The following ERBB4 variants were observed in gnomAD, a reference collection of about 807,000 sequenced individuals.
The protein encoded by ERBB4 is erb-b2 receptor tyrosine kinase 4.
Under a neutral mutation model 158.0 loss-of-function variants are expected in ERBB4, and 42 were observed. The observed-to-expected ratio is 0.27, with a 90% CI of 0.21 to 0.34. ERBB4 has a LOEUF of 0.34. Among genes scored for constraint, ERBB4 ranks in the 10% least tolerant of loss-of-function variants. The pLI, the probability that ERBB4 is intolerant of heterozygous loss-of-function variation, is 1.00. For synonymous variants in ERBB4, 583 were observed against 558.7 expected (o/e 1.04, Z -0.61); for missense variants, 1,333 against 1,624.1 (o/e 0.82, Z 3.08).
At chr2:211,917,065 C>T (rs888090735) in intron 3 of ERBB4, among the ~76,000 whole-genome samples, 5 of 152,044 alleles carry the variant, frequency 3.3e-5, no homozygotes, top group East Asian at 1.9e-4. Flanking sequence ...AAGGTGGCCA[C>T]GGCTGATGTG....
At chr2:212,489,151 A>G (rs1413992148) in intron 1 of ERBB4, among the ~76,000 whole-genome samples, 2 of 151,876 alleles carry the variant, frequency 1.3e-5, no homozygotes, top group African/African-American at 4.8e-5. Flanking sequence ...ATAAAATAAG[A>G]CAGAATTGGC....
chr2:212,122,744 T>C (rs779025447), intron 2 of ERBB4, among the ~76,000 whole-genome samples: 1 of 152,010 alleles, frequency 6.6e-6, no homozygotes, highest in South Asian at 2.1e-4. Context: ...TATCATTCCA[T>C]GCTGTTACCT....
intron 3 of ERBB4, among the ~76,000 whole-genome samples, chr2:211,928,195 C>A (rs1053397697): frequency 6.6e-6 from 1 of 152,014 alleles, no homozygotes; most frequent in Non-Finnish European, 1.5e-5. Context: ...GAGACCTTTG[C>A]GTGAGTGAAC....
At chr2:211,962,904 G>A (rs896121469) in intron 2 of ERBB4, among the ~76,000 whole-genome samples, 1 of 151,948 alleles carries the variant, frequency 6.6e-6, no homozygotes, top group East Asian at 1.9e-4. Context: ...ATGAACTTTC[G>A]GTTATCTGAT....
At chr2:211,537,690 A>G (rs2066693190) in intron 20 of ERBB4, among the ~76,000 whole-genome samples, 1 of 151,968 alleles carries the variant, frequency 6.6e-6, no homozygotes. Context: ...GTCCAACTCA[A>G]CATTAAAAAT....
chr2:212,205,965 AAC>A (rs907864910), intron 1 of ERBB4, among the ~76,000 whole-genome samples: 5 of 152,224 alleles, frequency 3.3e-5, no homozygotes, highest in African/African-American at 1.2e-4. Context: ...CAAGTATCCT[AAC>A]ACAGGGGAGA....
At chr2:212,272,479 G>T (rs1347054686) in intron 1 of ERBB4, among the ~76,000 whole-genome samples, 2 of 151,768 alleles carry the variant, frequency 1.3e-5, no homozygotes, top group Admixed American at 1.3e-4. Flanking sequence ...CCAGAGAAGG[G>T]GGTTCCCCAT....
At position 211,657,762 on chromosome 2, in the gene ERBB4, T is replaced by C. The variant is rs755346331; in HGVS notation, c.1938A>G (p.Gln646=). The C allele has an allele frequency of 1.2e-6, 2 of 1,613,088 alleles. No individual in the cohort carries two copies. Among genetic ancestry groups the C allele is most frequent in the South Asian group, 1.1e-5 (1 of 91,056 alleles). The change falls in exon 16 of 28, where the codon CAA becomes CAG. Residue 646 remains glutamine, a synonymous_variant. Transcript: ENST00000342788. ...AACATGGTAGATGTTACCTAGCATG[T>C]TGTGGTAAAGTGGAATGGCCCGTCC... ...YPWTGHSTLP[Q]HARTPLIAAG...
At chr2:212,317,312 A>AC (rs2087335379) in intron 1 of ERBB4, among the ~76,000 whole-genome samples, 1 of 151,530 alleles carries the variant, frequency 6.6e-6, no homozygotes, top group Non-Finnish European at 1.5e-5. Context: ...AAAAACTTTT[A>AC]CCCCAAGATA....
intron 1 of ERBB4, among the ~76,000 whole-genome samples, chr2:212,280,881 A>G (rs2085731470): frequency 6.6e-6 from 1 of 151,714 alleles, no homozygotes; most frequent in Non-Finnish European, 1.5e-5. Flanking sequence ...GAAACTGGGG[A>G]TCAGAGAAAG....
intron 2 of ERBB4, among the ~76,000 whole-genome samples, chr2:211,955,919 C>T (rs2081014077): frequency 6.6e-6 from 1 of 151,990 alleles, no homozygotes; most frequent in Non-Finnish European, 1.5e-5. Context: ...ACAGATTACA[C>T]AAACTAAGTT....
chr2:211,918,894 T>C (rs531980963), intron 3 of ERBB4, among the ~76,000 whole-genome samples: 11 of 152,108 alleles, frequency 7.2e-5, no homozygotes, highest in Non-Finnish European at 1.3e-4. Context: ...AAAAGAAATA[T>C]AGTTTTAAGC....
At chr2:211,824,435 C>T (rs185162095) in intron 3 of ERBB4, among the ~76,000 whole-genome samples, 51 of 152,040 alleles carry the variant, frequency 3.4e-4, no homozygotes, top group South Asian at 6.2e-4. Context: ...TTCCAGAGCA[C>T]GCTTCAAATC....
intron 1 of ERBB4, among the ~76,000 whole-genome samples, chr2:212,152,622 C>G (rs543040934): frequency 5.3e-5 from 8 of 152,312 alleles, no homozygotes; most frequent in African/African-American, 1.9e-4. Flanking sequence ...TTTCTTCATA[C>G]TGATGATCCC....
chr2:211,413,607 C>T (rs1001746861), intron 25 of ERBB4, among the ~76,000 whole-genome samples: 1 of 152,078 alleles, frequency 6.6e-6, no homozygotes, highest in African/African-American at 2.4e-5. Context: ...CATATCATCA[C>T]AAAATTCTCG....
intron 20 of ERBB4, among the ~76,000 whole-genome samples, chr2:211,546,490 C>G (rs1273025114): frequency 6.6e-6 from 1 of 152,088 alleles, no homozygotes; most frequent in African/African-American, 2.4e-5. Flanking sequence ...AGCCTGTATT[C>G]ATTATTAACC....
At chr2:211,875,044 A>AAAAAAAAAAAAAC (rs2078460408) in intron 3 of ERBB4, among the ~76,000 whole-genome samples, 1 of 113,968 alleles carries the variant, frequency 8.8e-6, no homozygotes, top group African/African-American at 2.7e-5. Flanking sequence ...AAAAAAAAAA[A>AAAAAAAAAAAAAC]AAAAAACAAA....
At chr2:212,259,387 C>G (rs554834099) in intron 1 of ERBB4, among the ~76,000 whole-genome samples, 34 of 152,262 alleles carry the variant, frequency 2.2e-4, no homozygotes, top group African/African-American at 7.9e-4. Flanking sequence ...CCATTAAACG[C>G]TCTGACCCAA....
intron 4 of ERBB4, among the ~76,000 whole-genome samples, chr2:211,766,725 G>A (rs1459185197): frequency 1.3e-5 from 2 of 152,082 alleles, no homozygotes; most frequent in African/African-American, 2.4e-5. Context: ...ACCTAACGCC[G>A]ATCTGTGCTG....
Sources: allele counts gnomAD v4.1 joint callset (sites outside exome capture counted in the v4.1 genomes callset), GRCh38; gene constraint gnomAD v4.1.1; transcripts MANE v1.5; gene names NCBI Gene and HGNC (gene_info 2026-07-23, HGNC 2026-07-21).